The following DENND3 variants were observed in gnomAD, a reference collection of about 807,000 sequenced individuals.
The protein encoded by DENND3 is DENN domain containing 3.
A neutral mutation model predicts 135.1 loss-of-function variants in DENND3; 88 were observed. The ratio of observed to expected loss-of-function variants is 0.65; its 90% CI spans 0.55 to 0.78. DENND3 has a LOEUF of 0.78. Ranked by LOEUF, DENND3 falls within the 30% of genes least tolerant of loss-of-function variation. The probability of loss-of-function intolerance (pLI) is 0.00; values close to 1 mark genes in which losing one functional copy is unlikely to be tolerated. For synonymous variants in DENND3, 693 were observed against 712.3 expected, an observed-to-expected ratio of 0.97 and a Z score of 0.43; for missense variants, 1,392 against 1,688.4, an observed-to-expected ratio of 0.82 and a Z score of 3.08.
Position 141,130,676 on chromosome 8 carries a change from A to G in DENND3, c.102+1867A>G, listed in dbSNP as rs971352945. Among the ~76,000 whole-genome samples, 1 of 147,964 alleles carries G rather than the reference A, an allele frequency of 6.8e-6. No individual in the cohort carries two copies. Among genetic ancestry groups the G allele is most frequent in the Non-Finnish European group, 1.5e-5 (1 of 66,738 alleles). ...TTCGGCGGTTCTATTTTGAATGTCC[A>G]AGGCTTTTAAATATATTTTTTTTTT... On this transcript the variant is annotated intron_variant, in intron 1 of 22. Coordinates refer to ENST00000519811, the MANE Select transcript of DENND3 (RefSeq NM_001352890.3). The surrounding 1 kb of genome is among the most constrained non-coding windows in gnomAD (Gnocchi z 4.2).
At chr8:141,157,537 C>T in intron 8 of DENND3, 1 of 985,830 alleles carries the variant, frequency 1.0e-6, no homozygotes. Flanking sequence ...AACAGCCGGG[C>T]TGTACTTGCT....
At chr8:141,134,337 C>T (rs902003692) in intron 1 of DENND3, among the ~76,000 whole-genome samples, 1 of 151,594 alleles carries the variant, frequency 6.6e-6, no homozygotes, top group African/African-American at 2.4e-5. Context: ...CTCTGTTGCC[C>T]AGGCTGGAGT....
At chr8:141,163,890 A>G (rs1820443540) in intron 10 of DENND3, among the ~76,000 whole-genome samples, 1 of 149,618 alleles carries the variant, frequency 6.7e-6, no homozygotes, top group African/African-American at 2.5e-5. Flanking sequence ...CCTGGGCGAC[A>G]GAGCAAGACT....
rs1822995481 is a variant in DENND3, at chr8:141,180,790, T to C, written c.2880T>C (p.His960=). The change falls in exon 17 of 23, where the codon CAT becomes CAC. Residue 960 remains histidine, a synonymous_variant. Transcript: ENST00000519811. ...AGACAACCCTGGAAACACTGAAGCA[T>C]AAAATCAACCCCTCGGCGGGGGAGG... ...LPETTLETLK[H]KINPSAGEAF... 1 of 1,613,632 alleles carries C rather than the reference T, an allele frequency of 6.2e-7. No individual in the cohort carries two copies. The highest frequency in any genetic ancestry group is 1.7e-5 in the Admixed American group (1 of 59,934).
intron 5 of DENND3, among the ~76,000 whole-genome samples, chr8:141,147,611 G>A (rs1818322698): frequency 6.6e-6 from 1 of 152,212 alleles, no homozygotes; most frequent in Admixed American, 6.5e-5. Flanking sequence ...TCTTCTCTGA[G>A]TGACCCCCAC....
intron 13 of DENND3, among the ~76,000 whole-genome samples, chr8:141,169,963 G>A (rs532521142): frequency 3.9e-5 from 6 of 152,200 alleles, no homozygotes; most frequent in Non-Finnish European, 7.3e-5. Flanking sequence ...TCTGAGATGT[G>A]TACCCAAGGC....
At position 141,143,616 on chromosome 8, in the gene DENND3, G is replaced by T. The variant is rs527380358; in HGVS notation, c.624-532G>T. ...GACGGGGGTCTCACTATCTTGCGCAGGCTGGCCTTGAACTCCTGGCCTCAA... is the reference window on the plus strand; with the variant it reads ...GACGGGGGTCTCACTATCTTGCGCATGCTGGCCTTGAACTCCTGGCCTCAA... On this transcript the variant is annotated intron_variant, in intron 4 of 22. Coordinates refer to ENST00000519811, the MANE Select transcript of DENND3 (RefSeq NM_001352890.3). Among the ~76,000 whole-genome samples the T allele has an allele frequency of 1.2e-4, 18 of 152,184 alleles. No homozygotes were observed. In the Middle Eastern group the frequency reaches 0.01, roughly 86 times the overall value.
At chr8:141,160,554 C>T (rs1266237206) in intron 8 of DENND3, 78 bp from the exon 9 acceptor site, 12 of 1,432,770 alleles carry the variant, frequency 8.4e-6, no homozygotes, top group Non-Finnish European at 1.1e-5. Context: ...TGTTCATTTA[C>T]CTGGTGGGCT....
In DENND3 at chr8:141,156,743, C is replaced by G. The variant is rs28756268; in HGVS notation, c.1196+773C>G. On this transcript the variant is annotated intron_variant, in intron 8 of 22. Coordinates refer to ENST00000519811, the MANE Select transcript of DENND3 (RefSeq NM_001352890.3). Reference sequence around the variant, plus strand: ...TGTCCGAGCTAGAAGTTGTCCATTTCTTTCACTCCCGCCACTGTATTGGCA... The same window carrying G: ...TGTCCGAGCTAGAAGTTGTCCATTTGTTTCACTCCCGCCACTGTATTGGCA... Among the ~76,000 whole-genome samples, 4 of 150,212 alleles carry G rather than the reference C, an allele frequency of 2.7e-5. No individual in the cohort carries two copies. The South Asian group carries it at 8.5e-4, about 32-fold the overall frequency.
At chr8:141,145,820 TATATATATATATA>T (rs1817972303) in intron 5 of DENND3, among the ~76,000 whole-genome samples, 3 of 36,616 alleles carry the variant, frequency 8.2e-5, no homozygotes, top group African/African-American at 3.1e-4. Flanking sequence ...TATATATATA[TATATATATATATA>T]TATATATATA....
In DENND3 at chr8:141,176,855, C is replaced by T. The variant is rs182020539; in HGVS notation, c.2706+94C>T. On this transcript the variant is annotated intron_variant, in intron 15 of 22. Transcript: ENST00000519811. ...CTGTGGCAGTCCTCAGCTGTGAGTG[C>T]TCGGGCTCGGGTCTGAGTGTCTTAA... 4.2e-6 allele frequency: 6 copies of T among 1,420,504 alleles called. No individual in the cohort carries two copies. The East Asian group carries it at 1.4e-4, about 33-fold the overall frequency. The allele number at this position is 1,420,504 out of a possible 1,614,324, so 88.0% of individuals were successfully genotyped here. A position where few individuals can be genotyped will look rare whatever the true frequency, so the allele number is the denominator to read the frequency against.
In DENND3 at chr8:141,136,650, C is replaced by T. The variant is rs376429101; in HGVS notation, c.244C>T (p.Arg82Cys). 35 of 1,612,192 alleles carry T rather than the reference C, an allele frequency of 2.2e-5. No homozygotes were observed. Among genetic ancestry groups the T allele is most frequent in the African/African-American group, 1.1e-4 (8 of 74,906 alleles). Residue 82 changes from arginine to cysteine, a missense_variant, in exon 2 of 23, where the codon CGC becomes TGC. Physicochemically the swap from Arg to Cys is radical, Grantham distance 180. Coordinates refer to ENST00000519811, the MANE Select transcript of DENND3 (RefSeq NM_001352890.3). ...NCGTLGKTRM[R>C]SLRKKREKPR... ...CGGCACTCTCGGTAAAACCCGGATGCGCTCCTTGAGAAAGAAGAGAGAGAA... is the reference window on the plus strand; with the variant it reads ...CGGCACTCTCGGTAAAACCCGGATGTGCTCCTTGAGAAAGAAGAGAGAGAA...
Position 141,166,961 on chromosome 8 carries a change from C to T in DENND3, c.1753+572C>T, listed in dbSNP as rs1820887001. ...GTCCCTAGTGAATGGGAGAAACTGT[C>T]GGGAGGCCGGGGCCTTGACCCCCAG... On this transcript the variant is annotated intron_variant, in intron 12 of 22. Transcript: ENST00000519811. This position sits in a 1 kb window ranked among gnomAD's most constrained non-coding sequence, Gnocchi z 4.3. Among the ~76,000 whole-genome samples, 2 of 152,150 alleles carry T rather than the reference C, an allele frequency of 1.3e-5. No homozygotes were observed. The highest frequency in any genetic ancestry group is 2.1e-4 in the South Asian group (1 of 4,824).
chr8:141,192,517 G>T lies in DENND3; in HGVS notation c.3499-9G>T. ...GGGCCCATAGCCCACACCGTGCCCT[G>T]CGTTTCAGGAGGAGCAGCTGTGGGC... On this transcript the variant is annotated splice_polypyrimidine_tract_variant and intron_variant, in intron 21 of 22. Coordinates refer to ENST00000519811, the MANE Select transcript of DENND3 (RefSeq NM_001352890.3). The T allele has an allele frequency of 6.2e-7, 1 of 1,601,950 alleles. No individual in the cohort carries two copies. The highest frequency in any genetic ancestry group is 8.5e-7 in the Non-Finnish European group (1 of 1,172,908).
In DENND3 at chr8:141,146,439, A is replaced by G. The variant is rs1197275687; in HGVS notation, c.735+2180A>G. On this transcript the variant is annotated intron_variant, in intron 5 of 22. Transcript: ENST00000519811. This position sits in a 1 kb window ranked among gnomAD's most constrained non-coding sequence, Gnocchi z 4.3. ...AACCTGTTTGACTCAGCATGTTCCA[A>G]ACTAATTTTAACTGTACTTAGGATG... Among the ~76,000 whole-genome samples the G allele has an allele frequency of 1.3e-5, 2 of 152,204 alleles. No individual in the cohort carries two copies. Among genetic ancestry groups the G allele is most frequent in the African/African-American group, 4.8e-5 (2 of 41,442 alleles).
Position 141,137,886 on chromosome 8 carries a change from A to C in DENND3, c.386-136A>C. The stretch of plus-strand genomic sequence containing the variant: ...GGCCGGAGGCGTGATCGGAAGAATG[A>C]ACCCGCCTTGGACATGAAGGCACCA... On this transcript the variant is annotated intron_variant, in intron 2 of 22. Coordinates refer to ENST00000519811, the MANE Select transcript of DENND3 (RefSeq NM_001352890.3). This position sits in a 1 kb window ranked among gnomAD's most constrained non-coding sequence, Gnocchi z 4.1. The C allele has an allele frequency of 1.3e-6, 1 of 794,178 alleles. No individual in the cohort carries two copies. Among genetic ancestry groups the C allele is most frequent in the South Asian group, 1.9e-5 (1 of 52,544 alleles). 49.2% of individuals were successfully genotyped at this position (794,178 alleles called of 1,614,324 possible).
In DENND3 at chr8:141,144,460, A is replaced by G. The variant is rs1190147230; in HGVS notation, c.735+201A>G. ...GGGACCCCAGAGAAACCCAAAAAAC[A>G]GAATGACTGGCCAGAATGGAAGGGA... On this transcript the variant is annotated intron_variant, in intron 5 of 22. Transcript: ENST00000519811. The surrounding 1 kb of genome is among the most constrained non-coding windows in gnomAD (Gnocchi z 4.4). 6.6e-6 allele frequency among the ~76,000 whole-genome samples: 1 copy of G among 151,474 alleles called. No individual in the cohort carries two copies. The highest frequency in any genetic ancestry group is 6.6e-5 in the Admixed American group (1 of 15,242).
At chr8:141,184,095 G>T (rs566354032) in intron 17 of DENND3, among the ~76,000 whole-genome samples, 17 of 152,324 alleles carry the variant, frequency 1.1e-4, no homozygotes, top group African/African-American at 4.1e-4. Flanking sequence ...CGGACACGGC[G>T]CCTACAGCCT....
At position 141,166,287 on chromosome 8, in the gene DENND3, G is replaced by A. The variant is rs1820783361; in HGVS notation, c.1651G>A (p.Val551Ile). ...HLHVTHRRMV[V>I]SMPNLQDIAM... The stretch of plus-strand genomic sequence containing the variant: ...GCATGTCACCCACAGGCGCATGGTG[G>A]TCAGCATGCCCAACCTGCAGGACAT... Residue 551 changes from valine (V) to isoleucine (I), a missense_variant, in exon 12 of 23, where the codon GTC becomes ATC. By Grantham distance (29) the Val-to-Ile change is conservative. Coordinates refer to ENST00000519811, the MANE Select transcript of DENND3 (RefSeq NM_001352890.3). This position sits in a 1 kb window ranked among gnomAD's most constrained non-coding sequence, Gnocchi z 4.3. 6.2e-7 allele frequency: 1 copy of A among 1,614,088 alleles called. No homozygotes were observed. Among genetic ancestry groups the A allele is most frequent in the Non-Finnish European group, 8.5e-7 (1 of 1,180,036 alleles).
Sources: gnomAD v4.1 joint callset for allele counts (sites outside exome capture counted in the v4.1 genomes callset) on GRCh38, gnomAD v4.1.1 for gene constraint, Gnocchi (gnomAD v3.1) non-coding constraint, MANE v1.5 for transcripts, NCBI Gene and HGNC (gene_info 2026-07-23, HGNC 2026-07-21) for gene names.